AP3S2: variants seen among roughly 807,000 people sequenced by gnomAD.
The protein encoded by AP3S2 is AP-3 complex subunit sigma-2.
AP3S2 carries 22 observed loss-of-function variants against 23.4 expected under a neutral mutation model. That is an observed-to-expected ratio of 0.94 (90% CI 0.67 to 1.34). AP3S2 has a LOEUF of 1.34. Ranked by LOEUF, AP3S2 falls within the 40% of genes most tolerant of loss-of-function variation. The pLI is 0.00. For synonymous variants in AP3S2, 86 were observed against 87.1 expected, an observed-to-expected ratio of 0.99 and a Z score of 0.07; for missense variants, 241 against 236.9, an observed-to-expected ratio of 1.02 and a Z score of -0.11.
At chr15:89,861,003 G>A (rs1243319934) in intron 4 of AP3S2, among the ~76,000 whole-genome samples, 1 of 152,170 alleles carries the variant, frequency 6.6e-6, no homozygotes, top group Non-Finnish European at 1.5e-5. Flanking sequence ...CTCCATTCCT[G>A]GAGACCTGCA....
intron 3 of AP3S2, chr15:89,877,215 G>T (rs547343586): frequency 9.0e-6 from 7 of 774,344 alleles, no homozygotes; most frequent in South Asian, 8.0e-5. Context: ...AGTATGAAAA[G>T]GCAAGATCAC....
At chr15:89,877,854 G>A (rs916860765) in intron 3 of AP3S2, among the ~76,000 whole-genome samples, 1 of 152,114 alleles carries the variant, frequency 6.6e-6, no homozygotes, top group African/African-American at 2.4e-5. Context: ...ATTCCCATTT[G>A]CATTGGCTTT....
chr15:89,877,503 G>T, intron 3 of AP3S2: 1 of 747,768 alleles, frequency 1.3e-6, no homozygotes, highest in Non-Finnish European at 2.0e-6. Context: ...ATTCGATAAC[G>T]TTCATAATGT....
At chr15:89,857,895 C>T (rs1184497910) in intron 4 of AP3S2, among the ~76,000 whole-genome samples, 4 of 152,020 alleles carry the variant, frequency 2.6e-5, no homozygotes, top group East Asian at 1.9e-4. Flanking sequence ...TGTGAGTGTA[C>T]GAGGATGTGT....
In AP3S2 at chr15:89,835,393, A is replaced by C. The variant is rs1436316008; in HGVS notation, c.*122T>G. On this transcript the variant is annotated 3_prime_UTR_variant, in exon 6 of 6. Coordinates refer to ENST00000336418, the MANE Select transcript of AP3S2 (RefSeq NM_005829.5). ...ATGCCAAACAGTCTTCCCCAGACAC[A>C]AAGTTTCCAGGTCCTGAGGCTTGAC... 1.3e-6 allele frequency: 2 copies of C among 1,507,996 alleles called. No homozygotes were observed. Among genetic ancestry groups the C allele is most frequent in the Non-Finnish European group, 1.8e-6 (2 of 1,123,166 alleles). The allele number at this position is 1,507,996 out of a possible 1,614,324, so 93.4% of individuals were successfully genotyped here.
intron 4 of AP3S2, among the ~76,000 whole-genome samples, chr15:89,869,567 TAAAAAAAAA>T (rs527600193): frequency 8.1e-6 from 1 of 123,438 alleles, no homozygotes; most frequent in Non-Finnish European, 1.7e-5. Context: ...GAATTATCAA[TAAAAAAAAA>T]AAAAAAAAAA....
chr15:89,858,102 A>G (rs1474352542), intron 4 of AP3S2, among the ~76,000 whole-genome samples: 1 of 152,106 alleles, frequency 6.6e-6, no homozygotes, highest in Non-Finnish European at 1.5e-5. Context: ...CTTGATTGAT[A>G]CAAAAATCAA....
chr15:89,876,322 G>A (rs966985220), intron 3 of AP3S2, among the ~76,000 whole-genome samples: 6 of 151,992 alleles, frequency 3.9e-5, no homozygotes, highest in South Asian at 2.1e-4. Flanking sequence ...GGGAGGCTGA[G>A]GCAGGAGAAT....
chr15:89,857,968 A>G (rs1895880506), intron 4 of AP3S2, among the ~76,000 whole-genome samples: 1 of 152,210 alleles, frequency 6.6e-6, no homozygotes, highest in South Asian at 2.1e-4. Context: ...GATTTCCATC[A>G]GCCTGGACCT....
chr15:89,888,929 G>A, intron 2 of AP3S2, 120 bp downstream of exon 2: 2 of 1,172,536 alleles, frequency 1.7e-6, no homozygotes, highest in South Asian at 1.3e-5. Context: ...GCAGATCATG[G>A]TGAGACCAGC....
At chr15:89,853,502 G>C (rs1165149431) in intron 4 of AP3S2, among the ~76,000 whole-genome samples, 1 of 152,204 alleles carries the variant, frequency 6.6e-6, no homozygotes, top group Non-Finnish European at 1.5e-5. Context: ...CCCAAAAAGT[G>C]AGTCTAAAGA....
chr15:89,851,908 C>T (rs1895665212), intron 4 of AP3S2, among the ~76,000 whole-genome samples: 1 of 152,032 alleles, frequency 6.6e-6, no homozygotes, highest in African/African-American at 2.4e-5. Flanking sequence ...ATGCCAAGCA[C>T]AGTGCTAAGT....
chr15:89,872,353 T>C (rs549518581), intron 3 of AP3S2, among the ~76,000 whole-genome samples: 2 of 152,276 alleles, frequency 1.3e-5, no homozygotes, highest in Admixed American at 6.5e-5. Flanking sequence ...ATAAATTTAA[T>C]TGACGTGTTT....
At chr15:89,877,266 T>G (rs1896464248) in intron 3 of AP3S2, 3 of 1,267,350 alleles carry the variant, frequency 2.4e-6, no homozygotes, top group Non-Finnish European at 3.2e-6. Flanking sequence ...GTTTCACATC[T>G]TCAACGTGAG....
At chr15:89,888,990 A>C (rs1896759016) in intron 2 of AP3S2, 59 bp downstream of exon 2, 3 of 1,601,660 alleles carry the variant, frequency 1.9e-6, no homozygotes, top group Non-Finnish European at 1.7e-6. Context: ...CAGAAGATGC[A>C]ATAATGAAGG....
chr15:89,850,905 G>A (rs1037517977), intron 4 of AP3S2, among the ~76,000 whole-genome samples: 2 of 152,140 alleles, frequency 1.3e-5, no homozygotes, highest in East Asian at 3.9e-4. Flanking sequence ...TGTAGAGACA[G>A]GGTTTCACCA....
chr15:89,839,236 T>A (rs960892880), intron 4 of AP3S2, among the ~76,000 whole-genome samples: 8 of 152,224 alleles, frequency 5.3e-5, no homozygotes, highest in Admixed American at 2.0e-4. Context: ...ACTGTGCACT[T>A]CTGACATCTG....
Position 89,834,612 on chromosome 15 carries a change from C to G in AP3S2, c.*903G>C, listed in dbSNP as rs1895147163. 6.6e-6 allele frequency: 1 copy of G among 152,244 alleles called. No homozygotes were observed. 9.4% of individuals were successfully genotyped at this position (152,244 alleles called of 1,614,324 possible). A position where few individuals can be genotyped will look rare whatever the true frequency, so the allele number is the denominator to read the frequency against. On this transcript the variant is annotated 3_prime_UTR_variant, in exon 6 of 6. Coordinates refer to ENST00000336418, the MANE Select transcript of AP3S2 (RefSeq NM_005829.5). ...AAAGGCTTGGCTATACCAAAGGATT[C>G]TGGTGGCCGGGCACGGTGGCTCACA...
intron 5 of AP3S2, 135 bp downstream of exon 5, chr15:89,837,480 T>C: frequency 4.0e-6 from 4 of 1,001,228 alleles, no homozygotes; most frequent in Non-Finnish European, 5.8e-6. Context: ...TGAGTTTCAA[T>C]GGACTCAAGG....
Sources: gnomAD v4.1 joint callset for allele counts (sites outside exome capture counted in the v4.1 genomes callset) on GRCh38, gnomAD v4.1.1 for gene constraint, MANE v1.5 for transcripts, NCBI Gene and HGNC (gene_info 2026-07-23, HGNC 2026-07-21) for gene names.